Variants in POU6F2 observed in about 807,000 individuals in gnomAD.
POU6F2 encodes POU class 6 homeobox 2, also known as POU domain, class 6, transcription factor 2.
A neutral mutation model predicts 71.3 loss-of-function variants in POU6F2; 31 were observed. That is an observed-to-expected ratio of 0.43 (90% CI 0.33 to 0.59). The LOEUF (loss-of-function observed/expected upper bound fraction) is 0.59. POU6F2 is among the 20% of genes least tolerant of loss of function. The pLI is 0.04. For missense variants in POU6F2, 783 were observed against 856.8 expected (o/e 0.91, Z 1.07); for synonymous variants, 347 against 355.7 (o/e 0.98, Z 0.27).
At chr7:39,238,469 T>C (rs1487687132) in intron 4 of POU6F2, among the ~76,000 whole-genome samples, 1 of 152,158 alleles carries the variant, frequency 6.6e-6, no homozygotes, top group Non-Finnish European at 1.5e-5. Flanking sequence ...GCCACATCCA[T>C]TTGTTTACGT....
intron 5 of POU6F2, among the ~76,000 whole-genome samples, chr7:39,388,717 AAGAG>A (rs1331302181): frequency 1.3e-5 from 2 of 152,194 alleles, no homozygotes; most frequent in African/African-American, 2.4e-5. Context: ...AAAAATCAAA[AAGAG>A]AGAGAAAAGT....
At chr7:39,339,553 C>T (rs1785862276) in intron 4 of POU6F2, 89 bp from the exon 5 acceptor site, 2 of 1,453,304 alleles carry the variant, frequency 1.4e-6, no homozygotes, top group Non-Finnish European at 1.8e-6. Flanking sequence ...AAAGGAAACC[C>T]TTCTCCACTT....
intron 1 of POU6F2, among the ~76,000 whole-genome samples, chr7:38,982,773 T>G (rs947698048): frequency 6.6e-6 from 1 of 152,134 alleles, no homozygotes; most frequent in Non-Finnish European, 1.5e-5. Flanking sequence ...TCAATTATCA[T>G]TTTCAATGCT....
intron 6 of POU6F2, among the ~76,000 whole-genome samples, chr7:39,408,035 G>A (rs1261090008): frequency 6.6e-6 from 1 of 152,160 alleles, no homozygotes; most frequent in African/African-American, 2.4e-5. Context: ...ATCATTTTAT[G>A]CAGCCGGCTC....
chr7:39,053,833 TG>T (rs1445639810), intron 1 of POU6F2, among the ~76,000 whole-genome samples: 1 of 152,100 alleles, frequency 6.6e-6, no homozygotes, highest in Non-Finnish European at 1.5e-5. Flanking sequence ...CCAGCCACGG[TG>T]GCTTATGGAT....
At chr7:39,316,107 A>G (rs1460172230) in intron 4 of POU6F2, among the ~76,000 whole-genome samples, 2 of 152,186 alleles carry the variant, frequency 1.3e-5, no homozygotes, top group African/African-American at 4.8e-5. Flanking sequence ...GACCAGGAAT[A>G]AGAATAGTAA....
At chr7:39,366,884 C>T (rs1413888100) in intron 5 of POU6F2, among the ~76,000 whole-genome samples, 2 of 151,914 alleles carry the variant, frequency 1.3e-5, no homozygotes, top group African/African-American at 4.8e-5. Flanking sequence ...CTTGAGGTGA[C>T]CAGCACAAAC....
chr7:38,991,396 G>A (rs1788599746), intron 1 of POU6F2, among the ~76,000 whole-genome samples: 1 of 152,106 alleles, frequency 6.6e-6, no homozygotes, highest in South Asian at 2.1e-4. Flanking sequence ...TGGTTTGCTA[G>A]CATCTTGTGC....
In POU6F2 at chr7:39,186,213, T is replaced by C. The variant is rs565145771; in HGVS notation, c.278-18022T>C. On this transcript the variant is annotated intron_variant, in intron 2 of 9. Coordinates refer to ENST00000518318, the MANE Select transcript of POU6F2 (RefSeq NM_001370959.1). ...CTAGAGCTCATAGTCAGTAGTGAAC[T>C]TGGAACTCAGACCAGGGTCTTAGAA... Among the ~76,000 whole-genome samples, 32 of 152,282 alleles carry C rather than the reference T, an allele frequency of 2.1e-4. 1 individual carries two copies. The highest frequency in any genetic ancestry group is 6.2e-4 in the South Asian group (3 of 4,822).
At chr7:39,248,971 G>A (rs1783869251) in intron 4 of POU6F2, among the ~76,000 whole-genome samples, 1 of 152,108 alleles carries the variant, frequency 6.6e-6, no homozygotes, top group Non-Finnish European at 1.5e-5. Context: ...AGCTTTCTCA[G>A]GCCACAGTTT....
At chr7:39,397,405 A>G (rs951506146) in intron 5 of POU6F2, among the ~76,000 whole-genome samples, 4 of 148,426 alleles carry the variant, frequency 2.7e-5, no homozygotes, top group Non-Finnish European at 5.9e-5. Context: ...ATATATATAT[A>G]GACAAAAATA....
intron 2 of POU6F2, among the ~76,000 whole-genome samples, chr7:39,172,672 G>A (rs1289543397): frequency 6.7e-6 from 1 of 149,224 alleles, no homozygotes; most frequent in East Asian, 2.0e-4. Flanking sequence ...CCAGACTGAA[G>A]TGCAGTGGTG....
At chr7:39,435,919 G>A (rs796161543) in intron 7 of POU6F2, among the ~76,000 whole-genome samples, 31 of 152,254 alleles carry the variant, frequency 2.0e-4, no homozygotes, top group African/African-American at 7.5e-4. Context: ...GTTTGTCCAG[G>A]ATCAGATAGT....
At chr7:39,207,116 C>T (rs1794028167) in intron 3 of POU6F2, among the ~76,000 whole-genome samples, 1 of 152,156 alleles carries the variant, frequency 6.6e-6, no homozygotes, top group Non-Finnish European at 1.5e-5. Context: ...AATGGAAACT[C>T]AATGGAAGAG....
intron 4 of POU6F2, among the ~76,000 whole-genome samples, chr7:39,208,095 A>G (rs893161083): frequency 1.3e-5 from 2 of 152,202 alleles, no homozygotes; most frequent in Admixed American, 1.3e-4. Flanking sequence ...AGTATGTTTT[A>G]GTTATAGTTA....
intron 4 of POU6F2, among the ~76,000 whole-genome samples, chr7:39,318,941 G>A (rs1322285548): frequency 6.6e-6 from 1 of 152,116 alleles, no homozygotes; most frequent in Non-Finnish European, 1.5e-5. Context: ...CCAGGAGTTT[G>A]AGACCACCCT....
At chr7:39,166,265 T>G (rs1793113950) in intron 2 of POU6F2, among the ~76,000 whole-genome samples, 1 of 152,236 alleles carries the variant, frequency 6.6e-6, no homozygotes, top group Non-Finnish European at 1.5e-5. Context: ...TGTGGAAAAC[T>G]TGGTTGGTTC....
rs145568184 is a variant in POU6F2, at chr7:39,251,419, A to G, written c.598+43799A>G. On this transcript the variant is annotated intron_variant, in intron 4 of 9. Coordinates refer to ENST00000518318, the MANE Select transcript of POU6F2 (RefSeq NM_001370959.1). Reference sequence around the variant, plus strand: ...TGAACAAAATGACACTTGTGAGCCTAAGCTTGGAGAAGAGCTGGGTCTCCA... The same window carrying G: ...TGAACAAAATGACACTTGTGAGCCTGAGCTTGGAGAAGAGCTGGGTCTCCA... 1.4e-4 allele frequency among the ~76,000 whole-genome samples: 21 copies of G among 152,330 alleles called. No homozygotes were observed. In the East Asian group the frequency reaches 4.0e-3, roughly 29 times the overall value.
At chr7:39,462,673 GA>G in intron 9 of POU6F2, among the ~76,000 whole-genome samples, 1 of 152,292 alleles carries the variant, frequency 6.6e-6, no homozygotes, top group Non-Finnish European at 1.5e-5. Flanking sequence ...AGCTTTTGAG[GA>G]GCTTGCCATA....
Sources: allele counts gnomAD v4.1 joint callset (sites outside exome capture counted in the v4.1 genomes callset), GRCh38; gene constraint gnomAD v4.1.1; transcripts MANE v1.5; gene names NCBI Gene and HGNC (gene_info 2026-07-23, HGNC 2026-07-21).